The following POFUT4 variants were observed in gnomAD, a reference collection of about 807,000 sequenced individuals.
POFUT4 encodes the protein GDP-fucose protein O-fucosyltransferase 4.
At chr10:73,772,707 C>T in the POFUT4 span, 2 of 1,582,710 alleles carry the variant, frequency 1.3e-6, no homozygotes, top group Non-Finnish European at 1.7e-6. Context: ...TTCTACGGCA[C>T]AGACTTCCGC....
At chr10:73,778,091 T>C in the POFUT4 span, among the ~76,000 whole-genome samples, 1 of 150,060 alleles carries the variant, frequency 6.7e-6, no homozygotes, top group African/African-American at 2.5e-5. Flanking sequence ...CTCGGACTCC[T>C]GACCTCAAGT....
chr10:73,773,965 G>A, the POFUT4 span: 1 of 843,044 alleles, frequency 1.2e-6, no homozygotes, highest in Non-Finnish European at 1.7e-6. Context: ...TCTAGTTGGG[G>A]GGATAAGACA....
the POFUT4 span, chr10:73,779,326 G>A: frequency 6.5e-6 from 1 of 152,980 alleles, no homozygotes; most frequent in African/African-American, 2.4e-5. Context: ...CACTCTGGGA[G>A]GCCAAGGCAG....
chr10:73,772,366 C>A, the POFUT4 span: 2 of 1,517,044 alleles, frequency 1.3e-6, no homozygotes, highest in Non-Finnish European at 8.8e-7. Flanking sequence ...TGGTGTTGGT[C>A]CTTCTAGGGG....
the POFUT4 span, chr10:73,774,044 A>G: frequency 2.9e-3 from 1,526 of 526,412 alleles, 11 homozygotes; most frequent in Admixed American, 5.0e-3. Context: ...TATGTGAACA[A>G]TGTTTCCAGT....
chr10:73,773,798 G>A, the POFUT4 span: 1 of 1,578,810 alleles, frequency 6.3e-7, no homozygotes, highest in Non-Finnish European at 8.6e-7. Flanking sequence ...ATGTGGAAGA[G>A]ATTCCTGAGA....
chr10:73,779,599 G>C, the POFUT4 span: 2 of 151,630 alleles, frequency 1.3e-5, no homozygotes, highest in Non-Finnish European at 2.9e-5. Context: ...ATTTGATATA[G>C]TAGGCACTGA....
the POFUT4 span, chr10:73,773,190 G>A: frequency 1.2e-6 from 2 of 1,607,602 alleles, no homozygotes; most frequent in Non-Finnish European, 1.7e-6. Context: ...CCCGGTCTAG[G>A]TAGACTCCTA....
chr10:73,772,855 C>T, the POFUT4 span: 1 of 1,612,358 alleles, frequency 6.2e-7, no homozygotes, highest in Non-Finnish European at 8.5e-7. Context: ...TCAGTCGCCA[C>T]TCGGATTACC....
At chr10:73,773,855 A>ACTTACTT in the POFUT4 span, 1 of 1,514,716 alleles carries the variant, frequency 6.6e-7, no homozygotes, top group South Asian at 1.3e-5. Flanking sequence ...CAAATCATTT[A>ACTTACTT]CTTACTTGCT....
At chr10:73,772,450 G>A in the POFUT4 span, 1 of 1,560,842 alleles carries the variant, frequency 6.4e-7, no homozygotes, top group Non-Finnish European at 8.6e-7. Flanking sequence ...CGGAGTGGGC[G>A]GAACCGTGGG....
chr10:73,772,718 G>A, the POFUT4 span: 2 of 1,587,130 alleles, frequency 1.3e-6, no homozygotes. Flanking sequence ...AGACTTCCGC[G>A]CGTCGGCCGC....
At chr10:73,779,952 T>C in the POFUT4 span, 2 of 152,202 alleles carry the variant, frequency 1.3e-5, no homozygotes, top group Non-Finnish European at 2.9e-5. Context: ...AAAAGAGCAG[T>C]GTAAACCAGG....
the POFUT4 span, chr10:73,773,597 G>A: frequency 1.9e-6 from 3 of 1,614,156 alleles, no homozygotes; most frequent in Middle Eastern, 1.6e-4. Flanking sequence ...AGCATCGGGA[G>A]TGGGGAGTGA....
chr10:73,774,681 G>A, the POFUT4 span: 1 of 150,732 alleles, frequency 6.6e-6, no homozygotes, highest in Non-Finnish European at 1.5e-5. Context: ...GCCTGGGTTG[G>A]AGTAAGACCC....
the POFUT4 span, chr10:73,773,213 G>A: frequency 6.2e-7 from 1 of 1,612,164 alleles, no homozygotes; most frequent in Admixed American, 1.7e-5. Flanking sequence ...GGAAATGCCT[G>A]CAGAATCGGG....
chr10:73,772,724 GCCGCC>G, the POFUT4 span: 7 of 1,590,608 alleles, frequency 4.4e-6, no homozygotes, highest in Non-Finnish European at 6.0e-6. Flanking sequence ...CCGCGCGTCG[GCCGCC>G]CCGCTGCCGC....
chr10:73,775,547 A>G, the POFUT4 span: 1 of 1,614,258 alleles, frequency 6.2e-7, no homozygotes, highest in Non-Finnish European at 8.5e-7. Context: ...TCAGTTGGAA[A>G]GAGATGTGGC....
chr10:73,772,642 C>T, the POFUT4 span: 14 of 1,555,180 alleles, frequency 9.0e-6, no homozygotes, highest in Non-Finnish European at 1.2e-5. Flanking sequence ...GCGGCGCGTG[C>T]GTGGCGTCCC....
Sources: allele counts gnomAD v4.1 joint callset (sites outside exome capture counted in the v4.1 genomes callset), GRCh38; gene constraint gnomAD v4.1.1; transcripts MANE v1.5; gene names NCBI Gene and HGNC (gene_info 2026-07-23, HGNC 2026-07-21).